CCPG1: variants seen among roughly 807,000 people sequenced by gnomAD.
The protein encoded by CCPG1 is cell cycle progression protein 1.
In CCPG1, 46 loss-of-function variants were observed where a neutral mutation model predicts 81.3. The ratio of observed to expected loss-of-function variants is 0.57; its 90% CI spans 0.45 to 0.72. The LOEUF (loss-of-function observed/expected upper bound fraction) is 0.72, where lower values mean the gene tolerates loss of function less well. Among genes scored for constraint, CCPG1 ranks in the 30% least tolerant of loss-of-function variants. The probability of loss-of-function intolerance (pLI) is 0.00; values close to 1 mark genes in which losing one functional copy is unlikely to be tolerated. For synonymous variants in CCPG1, 330 were observed against 305.2 expected, an observed-to-expected ratio of 1.08 and a Z score of -0.85; for missense variants, 902 against 937.6, an observed-to-expected ratio of 0.96 and a Z score of 0.50.
intron 6 of CCPG1, among the ~76,000 whole-genome samples, chr15:55,371,264 A>C (rs1332198677): frequency 1.3e-5 from 2 of 152,252 alleles, no homozygotes; most frequent in Non-Finnish European, 2.9e-5. Context: ...CAATCATAAT[A>C]AAGAGCAAAG....
intron 8 of CCPG1, chr15:55,358,647 C>G: frequency 1.0e-6 from 1 of 985,404 alleles, no homozygotes; most frequent in Non-Finnish European, 1.2e-6. Flanking sequence ...CCACCTCACT[C>G]AAGAAGCCTT....
At chr15:55,389,068 C>CAAAA (rs373917631) in intron 2 of CCPG1, among the ~76,000 whole-genome samples, 781 of 56,268 alleles carry the variant, frequency 0.014, 104 homozygotes, top group African/African-American at 0.052. Context: ...GACTCTGTCT[C>CAAAA]AAAAAAAAAA....
chr15:55,393,760 A>T (rs1413204235), intron 1 of CCPG1, among the ~76,000 whole-genome samples: 1 of 152,150 alleles, frequency 6.6e-6, no homozygotes, highest in Non-Finnish European at 1.5e-5. Context: ...TTCACACTTC[A>T]GCTATGACAG....
chr15:55,389,768 C>A (rs527556264), intron 1 of CCPG1, among the ~76,000 whole-genome samples: 1 of 152,232 alleles, frequency 6.6e-6, no homozygotes, highest in East Asian at 1.9e-4. Flanking sequence ...GAGCAGGCAG[C>A]AACAGTAAAG....
At chr15:55,404,756 G>A (rs553135097) in intron 1 of CCPG1, among the ~76,000 whole-genome samples, 51 of 152,132 alleles carry the variant, frequency 3.4e-4, no homozygotes, top group Admixed American at 9.8e-4. Flanking sequence ...GAAACATAGC[G>A]AGACCCTGCC....
chr15:55,389,134 A>G (rs777162267), intron 2 of CCPG1, among the ~76,000 whole-genome samples: 1 of 151,582 alleles, frequency 6.6e-6, no homozygotes, highest in Non-Finnish European at 1.5e-5. Context: ...GGCCTGAACA[A>G]TAACAAACCT....
intron 8 of CCPG1, chr15:55,357,302 T>C (rs2056100249): frequency 1.0e-6 from 1 of 984,120 alleles, no homozygotes; most frequent in Admixed American, 6.2e-5. Flanking sequence ...TCACAAGAAA[T>C]ATCAATGTTA....
chr15:55,366,307 A>C (rs1185739305), intron 6 of CCPG1, among the ~76,000 whole-genome samples: 5 of 151,792 alleles, frequency 3.3e-5, no homozygotes, highest in Non-Finnish European at 7.4e-5. Context: ...GAAAAATGAA[A>C]ATTTTTTTTT....
At chr15:55,386,193 CAAA>C (rs34646724) in intron 2 of CCPG1, among the ~76,000 whole-genome samples, 4 of 103,848 alleles carry the variant, frequency 3.9e-5, no homozygotes, top group South Asian at 3.1e-4. Flanking sequence ...AATTCCGTCT[CAAA>C]AAAAAAAAAA....
intron 1 of CCPG1, among the ~76,000 whole-genome samples, chr15:55,396,092 T>C (rs999801081): frequency 1.3e-5 from 2 of 149,180 alleles, no homozygotes; most frequent in African/African-American, 5.0e-5. Context: ...AGGTGGAGGT[T>C]GCAGTGAGCC....
chr15:55,367,241 ACTT>A, intron 6 of CCPG1, among the ~76,000 whole-genome samples: 1 of 152,168 alleles, frequency 6.6e-6, no homozygotes, highest in Non-Finnish European at 1.5e-5. Flanking sequence ...GTAACAGAAA[ACTT>A]CTGCAATTTC....
At chr15:55,358,961 A>G in intron 8 of CCPG1, 1 of 976,124 alleles carries the variant, frequency 1.0e-6, no homozygotes, top group South Asian at 4.7e-5. Flanking sequence ...AAATGGATAA[A>G]AAATTATTAT....
Position 55,401,437 on chromosome 15 carries a change from C to T in CCPG1, c.-10+6784G>A, listed in dbSNP as rs375775174. 3.9e-5 allele frequency among the ~76,000 whole-genome samples: 6 copies of T among 152,126 alleles called. No homozygotes were observed. The East Asian group carries it at 9.6e-4, about 24-fold the overall frequency. On this transcript the variant is annotated intron_variant, in intron 1 of 8. Coordinates refer to ENST00000442196, the MANE Select transcript of CCPG1 (RefSeq NM_001204450.2). ...ATCCCAGCATTTTGGGAGGCCGAGG[C>T]GGGTGAATCACCTGAGGTCAGGAGT... is the stretch of plus-strand genomic sequence containing the variant.
At chr15:55,397,763 C>G (rs543166847) in intron 1 of CCPG1, among the ~76,000 whole-genome samples, 1 of 152,164 alleles carries the variant, frequency 6.6e-6, no homozygotes, top group South Asian at 2.1e-4. Flanking sequence ...GATCACTTGA[C>G]GTAAGGAGTT....
chr15:55,359,898 G>A lies in CCPG1; in HGVS notation c.1875C>T (p.Phe625=). ...CAAATACACCAGAACAAGCCTTTCT[G>A]AAAGAATGAGAATTTTCTCTACAAT... is the stretch of plus-strand genomic sequence containing the variant. ...GHDCRENSHS[F]RKACSGVFDC... The change falls in exon 8 of 9, where the codon TTC becomes TTT. Residue 625 remains phenylalanine, a synonymous_variant. Coordinates refer to ENST00000442196, the MANE Select transcript of CCPG1 (RefSeq NM_001204450.2). 2 of 1,613,718 alleles carry A rather than the reference G, an allele frequency of 1.2e-6. No homozygotes were observed. The highest frequency in any genetic ancestry group is 1.1e-5 in the South Asian group (1 of 91,068).
At chr15:55,407,818 C>T (rs1377543372) in intron 1 of CCPG1, 4 of 152,350 alleles carry the variant, frequency 2.6e-5, no homozygotes, top group South Asian at 2.1e-4. Context: ...GGCATTAAAC[C>T]CGGCAGGGTG....
Position 55,377,146 on chromosome 15 carries a change from T to C in CCPG1, c.257A>G (p.Glu86Gly), listed in dbSNP as rs565007306. 5.6e-6 allele frequency: 9 copies of C among 1,608,472 alleles called. No individual in the cohort carries two copies. In the South Asian group the frequency reaches 8.8e-5, roughly 16 times the overall value. ...LEETSSTIEA[E>G]EQKIPEDSIY... ...ACTGTCTTCGGGTATCTTTTGTTCC[T>C]CTGCCTGAAGAATCATAATTTTAGA... is the stretch of plus-strand genomic sequence containing the variant. The change falls in exon 5 of 9, where the codon GAG (glutamate) becomes GGG (glycine). Residue 86 changes from glutamate to glycine, a missense_variant. Glu to Gly is a moderately conservative substitution (Grantham distance 98, BLOSUM62 -2). Transcript: ENST00000442196.
Position 55,360,326 on chromosome 15 carries a change from C to G in CCPG1, c.1447G>C (p.Glu483Gln). 3.7e-6 allele frequency: 6 copies of G among 1,613,776 alleles called. No homozygotes were observed. The highest frequency in any genetic ancestry group is 5.1e-6 in the Non-Finnish European group (6 of 1,179,958). ...TCCTTAACTGAACCCAAAAATGTTT[C>G]CTTTGACTTATTTTTAGCCCTGTGG... ...GSHRAKNKSK[E>Q]TFLGSVKETF... The change falls in exon 8 of 9, where the codon GAA becomes CAA. Residue 483 changes from glutamate (E) to glutamine (Q), a missense_variant. By Grantham distance (29) the Glu-to-Gln change is conservative. Coordinates refer to ENST00000442196, the MANE Select transcript of CCPG1 (RefSeq NM_001204450.2).
chr15:55,393,246 G>A (rs1354601009), intron 1 of CCPG1, among the ~76,000 whole-genome samples: 1 of 152,166 alleles, frequency 6.6e-6, no homozygotes, highest in Admixed American at 6.5e-5. Flanking sequence ...ACCAGGCTGG[G>A]CAACATAGTG....
Sources: allele counts gnomAD v4.1 joint callset (sites outside exome capture counted in the v4.1 genomes callset), GRCh38; gene constraint gnomAD v4.1.1; transcripts MANE v1.5; gene names NCBI Gene and HGNC (gene_info 2026-07-23, HGNC 2026-07-21).